Variants in HTR1F observed in about 807,000 individuals in gnomAD.
HTR1F encodes 5-hydroxytryptamine receptor 1F, also known as 5-hydroxytryptamine (serotonin) receptor 1F, G protein-coupled.
HTR1F carries 17 observed loss-of-function variants against 24.0 expected under a neutral mutation model. The ratio of observed to expected loss-of-function variants is 0.71; its 90% confidence interval spans 0.48 to 1.06. The LOEUF is 1.06. Among genes scored for constraint, HTR1F ranks in the 50% least tolerant of loss-of-function variants. The pLI is 0.00. For missense variants in HTR1F, 391 were observed against 427.8 expected (o/e 0.91, Z 0.76); for synonymous variants, 186 against 156.8 (o/e 1.19, Z -1.39).
chr3:87,930,177 CT>C (rs1318260239), intron 2 of HTR1F, among the ~76,000 whole-genome samples: 3 of 152,114 alleles, frequency 2.0e-5, no homozygotes, highest in African/African-American at 7.2e-5. Context: ...GCTTAAGAAG[CT>C]TTTGGGCTTG....
chr3:87,933,569 CAGAG>C (rs1388797113), intron 2 of HTR1F, among the ~76,000 whole-genome samples: 4 of 150,936 alleles, frequency 2.7e-5, no homozygotes, highest in African/African-American at 9.7e-5. Flanking sequence ...AACAGACAAA[CAGAG>C]AGCCAAATCA....
chr3:87,922,925 C>G (rs559847301), intron 2 of HTR1F, among the ~76,000 whole-genome samples: 1 of 139,386 alleles, frequency 7.2e-6, no homozygotes, highest in African/African-American at 2.7e-5. Flanking sequence ...AAGTCTTCAA[C>G]CCATTTCGAG....
intron 2 of HTR1F, among the ~76,000 whole-genome samples, chr3:87,910,774 C>T (rs1703761616): frequency 6.6e-6 from 1 of 152,018 alleles, no homozygotes; most frequent in African/African-American, 2.4e-5. Context: ...TAAACATACT[C>T]TTGGACTCCA....
chr3:87,899,646 T>C (rs1157679805), intron 2 of HTR1F, among the ~76,000 whole-genome samples: 1 of 152,098 alleles, frequency 6.6e-6, no homozygotes, highest in Non-Finnish European at 1.5e-5. Flanking sequence ...GCTGATCACT[T>C]GGGGTGAGGA....
chr3:87,830,596 A>C (rs1295822182), intron 2 of HTR1F, among the ~76,000 whole-genome samples: 1 of 152,222 alleles, frequency 6.6e-6, no homozygotes, highest in African/African-American at 2.4e-5. Context: ...TTTATTGAAA[A>C]AATAAGTATC....
chr3:87,987,931 G>GA (rs1043805997), intron 2 of HTR1F, among the ~76,000 whole-genome samples: 1 of 150,208 alleles, frequency 6.7e-6, no homozygotes, highest in African/African-American at 2.4e-5. Context: ...GAGAGACACT[G>GA]AAAAAATTGT....
chr3:87,846,024 C>A (rs574079794), intron 2 of HTR1F, among the ~76,000 whole-genome samples: 1 of 151,890 alleles, frequency 6.6e-6, no homozygotes. Context: ...TGCTAGCCAT[C>A]TTCTAGGGCT....
chr3:87,870,826 T>A (rs1455838457), intron 2 of HTR1F, among the ~76,000 whole-genome samples: 1 of 152,032 alleles, frequency 6.6e-6, no homozygotes, highest in Non-Finnish European at 1.5e-5. Flanking sequence ...ACATCTCTAA[T>A]TGGAAATTTA....
rs150481200 is a variant in HTR1F at position 87,991,076 on chromosome 3, C to T, written c.327C>T (p.Cys109=). The change falls in exon 3 of 3, where the codon TGC becomes TGT. Residue 109 remains cysteine (C), a synonymous_variant. Coordinates refer to ENST00000319595, the MANE Select transcript of HTR1F (RefSeq NM_001322209.2). ...WLSVDITCCT[C]SILHLSAIAL... The stretch of plus-strand genomic sequence containing the variant: ...GTGTTGACATTACCTGCTGCACGTG[C>T]TCCATCTTGCATCTCTCAGCTATAG... 5 of 1,613,892 alleles carry T rather than the reference C, an allele frequency of 3.1e-6. No homozygotes were observed. The highest frequency in any genetic ancestry group is 4.2e-6 in the Non-Finnish European group (5 of 1,180,026).
intron 2 of HTR1F, among the ~76,000 whole-genome samples, chr3:87,903,928 T>G (rs1020804343): frequency 2.0e-5 from 3 of 152,168 alleles, no homozygotes; most frequent in Non-Finnish European, 2.9e-5. Context: ...AAACGATTAT[T>G]TAAGAATGTT....
rs576906153 is a variant in HTR1F at position 87,979,410 on chromosome 3, G to A, written c.-42-11298G>A. Among the ~76,000 whole-genome samples, 135 of 152,182 alleles carry A rather than the reference G, an allele frequency of 8.9e-4. 2 individuals carry two copies. The highest frequency in any genetic ancestry group is 3.4e-3 in the Middle Eastern group (1 of 294). ...AGCCTGTCCTCTGTGTCCTAAGTCCGGCAGCCACGATAGTCATTTCTAGTT... is the reference window on the plus strand; with the variant it reads ...AGCCTGTCCTCTGTGTCCTAAGTCCAGCAGCCACGATAGTCATTTCTAGTT... On this transcript the variant is annotated intron_variant, in intron 2 of 2. Transcript: ENST00000319595.
intron 2 of HTR1F, among the ~76,000 whole-genome samples, chr3:87,849,288 C>T: frequency 6.6e-6 from 1 of 151,640 alleles, no homozygotes; most frequent in Non-Finnish European, 1.5e-5. Flanking sequence ...GAACAGAGCC[C>T]TCAGAAATAA....
At chr3:87,959,025 G>A (rs1705004943) in intron 2 of HTR1F, among the ~76,000 whole-genome samples, 1 of 151,598 alleles carries the variant, frequency 6.6e-6, no homozygotes. Flanking sequence ...AATTAAATAT[G>A]TCTAAGTATA....
At chr3:87,955,394 A>G (rs1704922027) in intron 2 of HTR1F, among the ~76,000 whole-genome samples, 1 of 151,544 alleles carries the variant, frequency 6.6e-6, no homozygotes, top group African/African-American at 2.4e-5. Context: ...CTTTGTACTA[A>G]CTGATAAGTA....
chr3:87,910,282 C>T (rs1369229390), intron 2 of HTR1F: 2 of 151,942 alleles, frequency 1.3e-5, no homozygotes, highest in African/African-American at 4.8e-5. Context: ...GGCCCTCGGG[C>T]ATGACAAGAC....
chr3:87,814,028 T>C (rs759975333), intron 1 of HTR1F, among the ~76,000 whole-genome samples: 11 of 152,206 alleles, frequency 7.2e-5, no homozygotes, highest in Non-Finnish European at 1.3e-4. Context: ...TTTTAGCATT[T>C]TTAAAAGTGG....
intron 2 of HTR1F, among the ~76,000 whole-genome samples, chr3:87,925,226 G>T (rs1032585609): frequency 2.6e-5 from 4 of 152,098 alleles, no homozygotes; most frequent in African/African-American, 9.7e-5. Context: ...AAGACTCCCT[G>T]GTCAAGGGAT....
intron 2 of HTR1F, among the ~76,000 whole-genome samples, chr3:87,913,342 A>C (rs190132881): frequency 1.4e-4 from 22 of 152,272 alleles, no homozygotes; most frequent in Admixed American, 3.9e-4. Flanking sequence ...AAAAAGCTCA[A>C]CATCACTGGT....
chr3:87,901,952 C>T (rs1304776260), intron 2 of HTR1F, among the ~76,000 whole-genome samples: 3 of 151,842 alleles, frequency 2.0e-5, no homozygotes, highest in Admixed American at 6.6e-5. Flanking sequence ...TGAATAAATG[C>T]AGTAATAAAC....
Sources: gnomAD v4.1 joint callset for allele counts (sites outside exome capture counted in the v4.1 genomes callset) on GRCh38, gnomAD v4.1.1 for gene constraint, MANE v1.5 for transcripts, NCBI Gene and HGNC (gene_info 2026-07-23, HGNC 2026-07-21) for gene names.